MID1: variants seen among roughly 807,000 people sequenced by gnomAD.
The protein encoded by MID1 is midline 1.
In MID1, 7 loss-of-function variants were observed where a neutral mutation model predicts 40.4. The observed-to-expected ratio is 0.17, with a 90% CI of 0.10 to 0.33. MID1 has a LOEUF of 0.33. Among genes scored for constraint, MID1 ranks in the 10% least tolerant of loss-of-function variants. MID1 has a pLI of 1.00. For missense variants in MID1, 367 were observed against 558.5 expected (o/e 0.66, Z 3.46); for synonymous variants, 229 against 221.2 (o/e 1.04, Z -0.31).
At chrX:10,626,704 A>G (rs1249648009) in intron 1 of MID1, among the ~76,000 whole-genome samples, 1 of 111,908 alleles carries the variant, frequency 8.9e-6, no homozygotes, top group Non-Finnish European at 1.9e-5. Flanking sequence ...CAGAAAAGAT[A>G]GAAGGATCTT....
chrX:10,797,157 T>C (rs775991141), intron 1 of MID1, among the ~76,000 whole-genome samples: 1 of 111,594 alleles, frequency 9.0e-6, no homozygotes, highest in South Asian at 3.8e-4. Context: ...GTACTACATA[T>C]TGAATATCTG....
At chrX:10,658,428 TAAAAAAAAAAAA>T (rs35116185) in intron 1 of MID1, among the ~76,000 whole-genome samples, 6 of 5,574 alleles carry the variant, frequency 1.1e-3, no homozygotes, top group Non-Finnish European at 2.1e-3. Context: ...CCTTCAACTG[TAAAAAAAAAAAA>T]AAAAAAAAAA....
intron 1 of MID1, among the ~76,000 whole-genome samples, chrX:10,803,358 T>C (rs1423365293): frequency 6.8e-5 from 7 of 103,323 alleles, no homozygotes; most frequent in Non-Finnish European, 1.2e-4. Context: ...TTTTCTTTTT[T>C]TTTTTTTTTT....
chrX:10,724,441 C>T (rs7065570), intron 1 of MID1, among the ~76,000 whole-genome samples: 10,417 of 111,414 alleles, frequency 0.093, 763 homozygotes, highest in African/African-American at 0.25. Context: ...TGATGTTCAT[C>T]TTGAAGGAGC....
At chrX:10,456,801 C>T (rs1007675977) in intron 8 of MID1, among the ~76,000 whole-genome samples, 8 of 111,575 alleles carry the variant, frequency 7.2e-5, no homozygotes, top group Non-Finnish European at 1.1e-4. Flanking sequence ...CATGCCGCTG[C>T]GCTCCAGCCT....
intron 7 of MID1, among the ~76,000 whole-genome samples, chrX:10,460,330 C>T (rs1045060209): frequency 2.7e-5 from 3 of 111,351 alleles, no homozygotes; most frequent in Non-Finnish European, 3.8e-5. Context: ...CAACCCCAAC[C>T]GACCTCCAAC....
At chrX:10,493,520 G>C (rs779757920) in intron 4 of MID1, among the ~76,000 whole-genome samples, 1 of 112,052 alleles carries the variant, frequency 8.9e-6, no homozygotes, top group East Asian at 2.8e-4. Flanking sequence ...TAAGAAACTA[G>C]TAAGAGTAAG....
intron 7 of MID1, among the ~76,000 whole-genome samples, chrX:10,462,053 T>C: frequency 8.9e-6 from 1 of 111,830 alleles, no homozygotes; most frequent in Non-Finnish European, 1.9e-5. Context: ...TTCAGAAACC[T>C]TTTCCAAACA....
intron 1 of MID1, among the ~76,000 whole-genome samples, chrX:10,749,608 C>T (rs1299715470): frequency 8.9e-6 from 1 of 112,049 alleles, no homozygotes; most frequent in African/African-American, 3.2e-5. Flanking sequence ...CATGGTCCTA[C>T]AGGCTGTACA....
chrX:10,822,018 T>C (rs1288386401), intron 1 of MID1, among the ~76,000 whole-genome samples: 1 of 111,190 alleles, frequency 9.0e-6, no homozygotes, highest in Non-Finnish European at 1.9e-5. Context: ...CATTTTTTTT[T>C]CTTTTCTTTT....
At chrX:10,634,011 C>CAG (rs1418914762) in intron 1 of MID1, among the ~76,000 whole-genome samples, 1 of 108,811 alleles carries the variant, frequency 9.2e-6, no homozygotes, top group African/African-American at 3.5e-5. Flanking sequence ...CTCCATTAGA[C>CAG]AGAGAGAAAG....
intron 3 of MID1, among the ~76,000 whole-genome samples, chrX:10,510,889 C>A (rs1932111868): frequency 2.0e-5 from 2 of 102,120 alleles, no homozygotes; most frequent in Admixed American, 1.1e-4. Context: ...TTGAACATTG[C>A]AATATTGCTT....
At chrX:10,704,737 T>TACACACACACACACAC (rs1463296582) in intron 1 of MID1, among the ~76,000 whole-genome samples, 11 of 86,714 alleles carry the variant, frequency 1.3e-4, no homozygotes, top group African/African-American at 4.6e-4. Flanking sequence ...TATATATATA[T>TACACACACACACACAC]ATACACACAC....
Position 10,510,558 on chromosome X carries a change from C to T in MID1, c.756+12534G>A, listed in dbSNP as rs1376705368. ...AAAATATGCTGAAACCCAGGCCGGG[C>T]GTGGTGGCTCACGCCTGTAATCCCA... On this transcript the variant is annotated intron_variant, in intron 3 of 9. Coordinates refer to ENST00000317552, the MANE Select transcript of MID1 (RefSeq NM_000381.4). Among the ~76,000 whole-genome samples the T allele has an allele frequency of 1.2e-4, 13 of 111,478 alleles. No individual in the cohort carries two copies. The South Asian group carries it at 2.3e-3, about 19-fold the overall frequency.
intron 5 of MID1, among the ~76,000 whole-genome samples, chrX:10,482,207 C>T (rs142456849): frequency 2.6e-4 from 29 of 111,834 alleles, no homozygotes; most frequent in African/African-American, 9.4e-4. Flanking sequence ...TAAGCTCCCC[C>T]CTCGTCCAAA....
chrX:10,553,481 C>T (rs1187661014), intron 2 of MID1, among the ~76,000 whole-genome samples: 2 of 111,211 alleles, frequency 1.8e-5, no homozygotes, highest in African/African-American at 6.5e-5. Context: ...TATGTATCCA[C>T]GCTTTGGCAT....
chrX:10,809,880 C>T (rs911269860), intron 1 of MID1, among the ~76,000 whole-genome samples: 4 of 109,460 alleles, frequency 3.7e-5, no homozygotes, highest in South Asian at 3.9e-4. Context: ...CAAACCTGCA[C>T]GTTGTGCACA....
intron 1 of MID1, among the ~76,000 whole-genome samples, chrX:10,685,145 C>T (rs78307548): frequency 0.048 from 5,325 of 111,780 alleles, 182 homozygotes; most frequent in African/African-American, 0.12. Context: ...TATTTTATGT[C>T]ATTAAAAATT....
intron 1 of MID1, among the ~76,000 whole-genome samples, chrX:10,814,567 G>C (rs1052822897): frequency 7.8e-5 from 7 of 90,035 alleles, no homozygotes; most frequent in Non-Finnish European, 1.5e-4. Flanking sequence ...CTTCAGTTTT[G>C]CTTGTACTGG....
Sources: gnomAD v4.1 joint callset for allele counts (sites outside exome capture counted in the v4.1 genomes callset) on GRCh38, gnomAD v4.1.1 for gene constraint, MANE v1.5 for transcripts, NCBI Gene and HGNC (gene_info 2026-07-23, HGNC 2026-07-21) for gene names.